Variants in MAF observed in about 807,000 individuals in gnomAD.
MAF encodes the protein MAF bZIP transcription factor.
A neutral mutation model predicts 22.0 loss-of-function variants in MAF; 10 were observed. The observed-to-expected ratio is 0.45, with a 90% CI of 0.28 to 0.77. The LOEUF (loss-of-function observed/expected upper bound fraction) is 0.77, where lower values mean the gene tolerates loss of function less well. MAF is among the 30% of genes least tolerant of loss of function. The pLI is 0.12. For missense variants in MAF, 544 were observed against 548.4 expected (o/e 0.99, Z 0.08); for synonymous variants, 337 against 255.8 (o/e 1.32, Z -3.03).
the MAF span, among the ~76,000 whole-genome samples, chr16:79,429,990 A>T: frequency 2.6e-5 from 4 of 152,216 alleles, no homozygotes; most frequent in Non-Finnish European, 5.9e-5. Context: ...GATCCTACCG[A>T]CATCTTCTAC....
the MAF span, among the ~76,000 whole-genome samples, chr16:79,364,386 C>T: frequency 6.6e-6 from 1 of 152,154 alleles, no homozygotes; most frequent in Non-Finnish European, 1.5e-5. Context: ...GACACAACTT[C>T]CCGCACCTGT....
At chr16:79,465,689 C>T in the MAF span, among the ~76,000 whole-genome samples, 103,222 of 152,056 alleles carry the variant, frequency 0.68, 35,991 homozygotes, top group Non-Finnish European at 0.76. Flanking sequence ...TCTGTGTGTA[C>T]GTTTCACCTT....
At chr16:79,418,430 C>T in the MAF span, among the ~76,000 whole-genome samples, 4 of 152,044 alleles carry the variant, frequency 2.6e-5, no homozygotes, top group East Asian at 5.8e-4. Context: ...TCTGTTGTGA[C>T]AGACAGAAAG....
At chr16:79,370,882 A>C in the MAF span, among the ~76,000 whole-genome samples, 4 of 151,840 alleles carry the variant, frequency 2.6e-5, no homozygotes, top group Non-Finnish European at 5.9e-5. Context: ...TATTCACCGA[A>C]CCACACCTTC....
the MAF span, among the ~76,000 whole-genome samples, chr16:79,469,510 G>A: frequency 6.6e-6 from 1 of 152,298 alleles, no homozygotes; most frequent in Non-Finnish European, 1.5e-5. Context: ...ACAGTATGAA[G>A]ATGAAACAAA....
the MAF span, among the ~76,000 whole-genome samples, chr16:79,495,273 A>G: frequency 6.6e-6 from 1 of 152,132 alleles, no homozygotes; most frequent in Non-Finnish European, 1.5e-5. Flanking sequence ...ACCAGCCTAG[A>G]CAACATAGTG....
the MAF span, among the ~76,000 whole-genome samples, chr16:79,444,583 C>T: frequency 1.3e-5 from 2 of 152,164 alleles, no homozygotes; most frequent in African/African-American, 4.8e-5. Context: ...AGTGTATTTA[C>T]TCAAGGTCAG....
At chr16:79,375,538 T>C in the MAF span, among the ~76,000 whole-genome samples, 1 of 152,074 alleles carries the variant, frequency 6.6e-6, no homozygotes, top group African/African-American at 2.4e-5. Context: ...ATGGTAATGA[T>C]GAAGATGATG....
At chr16:79,335,363 T>A in the MAF span, among the ~76,000 whole-genome samples, 1 of 152,156 alleles carries the variant, frequency 6.6e-6, no homozygotes. Context: ...CCGACCAGCC[T>A]GCAGAGAGCT....
the MAF span, among the ~76,000 whole-genome samples, chr16:79,353,129 T>C: frequency 2.6e-5 from 4 of 151,998 alleles, no homozygotes; most frequent in Non-Finnish European, 5.9e-5. Context: ...CAGGAATTTT[T>C]TTTTTTTTTC....
downstream of MAF, among the ~76,000 whole-genome samples, chr16:79,582,610 G>A (rs564578988): frequency 2.6e-5 from 4 of 152,230 alleles, no homozygotes; most frequent in South Asian, 8.3e-4. Context: ...ATGGAAAGGG[G>A]GTGATGTGGT....
the MAF span, among the ~76,000 whole-genome samples, chr16:79,413,973 C>A: frequency 1.3e-5 from 2 of 152,202 alleles, no homozygotes; most frequent in African/African-American, 4.8e-5. Flanking sequence ...AGTTCAGATG[C>A]TGGCTCCATC....
chr16:79,391,679 C>A, the MAF span, among the ~76,000 whole-genome samples: 1 of 152,130 alleles, frequency 6.6e-6, no homozygotes, highest in Non-Finnish European at 1.5e-5. Flanking sequence ...TGGGCATCCG[C>A]CTCCAGGAGG....
chr16:79,322,743 G>T, the MAF span, among the ~76,000 whole-genome samples: 1 of 151,968 alleles, frequency 6.6e-6, no homozygotes, highest in African/African-American at 2.4e-5. Context: ...CGTGGCAGGG[G>T]GTATAAAGAG....
At chr16:79,594,848 C>G (rs2031965417) in intron 1 of MAF, 2 of 1,226,832 alleles carry the variant, frequency 1.6e-6, no homozygotes, top group African/African-American at 1.5e-5. Flanking sequence ...TTTGCCAGCA[C>G]CTTTGCATTT....
At chr16:79,597,243 A>G in intron 1 of MAF, 1 of 1,049,988 alleles carries the variant, frequency 9.5e-7, no homozygotes, top group African/African-American at 1.7e-5. Flanking sequence ...TTTATCTATA[A>G]CATTCCTTTA....
At chr16:79,397,576 T>C in the MAF span, among the ~76,000 whole-genome samples, 1 of 152,212 alleles carries the variant, frequency 6.6e-6, no homozygotes, top group Admixed American at 6.5e-5. Context: ...AAGAAGTGTG[T>C]GATGATGACC....
chr16:79,484,171 T>G, the MAF span, among the ~76,000 whole-genome samples: 103,176 of 152,046 alleles, frequency 0.68, 35,560 homozygotes, highest in Middle Eastern at 0.81. Context: ...TTAAGGGACC[T>G]GCCGACAGTC....
the MAF span, among the ~76,000 whole-genome samples, chr16:79,312,838 G>C: frequency 6.6e-6 from 1 of 152,126 alleles, no homozygotes; most frequent in East Asian, 1.9e-4. Context: ...TATAAGACAG[G>C]CACCTTTGCA....
Sources: gnomAD v4.1 joint callset for allele counts (sites outside exome capture counted in the v4.1 genomes callset) on GRCh38, gnomAD v4.1.1 for gene constraint, MANE v1.5 for transcripts, NCBI Gene and HGNC (gene_info 2026-07-23, HGNC 2026-07-21) for gene names.